Variants in SLC25A21 observed in about 807,000 individuals in gnomAD.
The protein encoded by SLC25A21 is solute carrier family 25 member 21.
Under a neutral mutation model 43.8 loss-of-function variants are expected in SLC25A21, and 47 were observed. The observed-to-expected ratio is 1.07, with a 90% confidence interval of 0.85 to 1.37. The LOEUF is 1.37. Ranked by LOEUF, SLC25A21 falls within the 40% of genes most tolerant of loss-of-function variation. The probability of loss-of-function intolerance (pLI) is 0.00; values close to 1 mark genes in which losing one functional copy is unlikely to be tolerated. For missense variants in SLC25A21, 352 were observed against 350.2 expected, an observed-to-expected ratio of 1.00 and a Z score of -0.04; for synonymous variants, 131 against 121.3, an observed-to-expected ratio of 1.08 and a Z score of -0.52.
chr14:37,069,680 T>A (rs1206480942), intron 1 of SLC25A21, among the ~76,000 whole-genome samples: 4 of 152,134 alleles, frequency 2.6e-5, no homozygotes, highest in Non-Finnish European at 4.4e-5. Flanking sequence ...GTAAAAAAAA[T>A]TACTACAAAA....
chr14:36,694,464 T>C (rs575329126), intron 7 of SLC25A21, among the ~76,000 whole-genome samples: 3 of 152,344 alleles, frequency 2.0e-5, no homozygotes, highest in Admixed American at 6.5e-5. Context: ...TAATTCTAGT[T>C]CTAGATCCTT....
chr14:36,911,016 T>C (rs901784561), intron 1 of SLC25A21, among the ~76,000 whole-genome samples: 3 of 152,188 alleles, frequency 2.0e-5, no homozygotes, highest in Non-Finnish European at 4.4e-5. Context: ...GCCTGTTAGT[T>C]TTCTCACAAG....
chr14:36,876,129 C>G (rs1041638418), intron 1 of SLC25A21, among the ~76,000 whole-genome samples: 1 of 152,182 alleles, frequency 6.6e-6, no homozygotes, highest in Non-Finnish European at 1.5e-5. Context: ...ATAGGCAGAG[C>G]ATTTACCTCC....
At chr14:36,914,462 T>G (rs1438044409) in intron 1 of SLC25A21, among the ~76,000 whole-genome samples, 2 of 152,216 alleles carry the variant, frequency 1.3e-5, no homozygotes, top group Non-Finnish European at 1.5e-5. Context: ...AAAGCAGTGC[T>G]GTTTCAGGAG....
In SLC25A21 at chr14:36,903,458, A is replaced by G. The variant is rs190988665; in HGVS notation, c.71-28454T>C. Among the ~76,000 whole-genome samples the G allele has an allele frequency of 9.1e-3, 1,376 of 151,622 alleles. 17 individuals carry two copies. Among genetic ancestry groups the G allele is most frequent in the African/African-American group, 0.03 (1,241 of 41,320 alleles). ...GAAACCCCGTCTCTACTAAAAATAC[A>G]AAAAATTAGCCAGGCCTGGTGGTGC... is the stretch of plus-strand genomic sequence containing the variant. On this transcript the variant is annotated intron_variant, in intron 1 of 9. Transcript: ENST00000331299.
At chr14:36,831,102 A>T (rs1889023703) in intron 2 of SLC25A21, among the ~76,000 whole-genome samples, 1 of 152,190 alleles carries the variant, frequency 6.6e-6, no homozygotes, top group Admixed American at 6.5e-5. Flanking sequence ...ATAGCACTAG[A>T]GCTTTGAGTA....
intron 1 of SLC25A21, among the ~76,000 whole-genome samples, chr14:37,090,392 C>A (rs1323609289): frequency 6.6e-6 from 1 of 152,188 alleles, no homozygotes; most frequent in Admixed American, 6.5e-5. Flanking sequence ...CACTTCCCAT[C>A]GCCATGTAGT....
chr14:37,131,339 C>T (rs1963388469), intron 1 of SLC25A21, among the ~76,000 whole-genome samples: 1 of 152,158 alleles, frequency 6.6e-6, no homozygotes, highest in Admixed American at 6.6e-5. Context: ...TTCATCTTAT[C>T]GGGTCCGTTT....
chr14:36,851,873 C>T (rs1046727948), intron 2 of SLC25A21, among the ~76,000 whole-genome samples: 1 of 152,060 alleles, frequency 6.6e-6, no homozygotes, highest in African/African-American at 2.4e-5. Flanking sequence ...AGTATATGAA[C>T]ACATTCAAAA....
chr14:36,870,858 G>A (rs1003901430), intron 2 of SLC25A21: 3 of 152,108 alleles, frequency 2.0e-5, no homozygotes, highest in Non-Finnish European at 2.9e-5. Context: ...ACATACCTAT[G>A]GCACACTGAC....
At chr14:36,959,039 G>A (rs149920518) in intron 1 of SLC25A21, among the ~76,000 whole-genome samples, 2 of 152,314 alleles carry the variant, frequency 1.3e-5, no homozygotes, top group African/African-American at 2.4e-5. Context: ...AAACACTGGC[G>A]TGTGCTTCTC....
chr14:36,921,268 T>C (rs1454180109), intron 1 of SLC25A21, among the ~76,000 whole-genome samples: 1 of 152,142 alleles, frequency 6.6e-6, no homozygotes, highest in Non-Finnish European at 1.5e-5. Flanking sequence ...AAGGAGATAA[T>C]ATTAGTACCT....
chr14:37,123,864 T>C (rs1963253047), intron 1 of SLC25A21, among the ~76,000 whole-genome samples: 1 of 152,066 alleles, frequency 6.6e-6, no homozygotes, highest in Non-Finnish European at 1.5e-5. Context: ...TCTCCATAAA[T>C]AAAAATTAAA....
rs1346751706 is a variant in SLC25A21 at position 36,729,482 on chromosome 14, A to C, written c.330+25T>G. On this transcript the variant is annotated intron_variant, in intron 5 of 9. Transcript: ENST00000331299. ...GCTTTATGAAATAACACACACATTT[A>C]AGTATAATAAATACTCTCACTTACC... The C allele has an allele frequency of 5.2e-6, 8 of 1,541,592 alleles. No homozygotes were observed. The Admixed American group carries it at 1.6e-4, about 30-fold the overall frequency.
At chr14:37,031,080 A>C (rs1594760076) in intron 1 of SLC25A21, among the ~76,000 whole-genome samples, 1 of 152,206 alleles carries the variant, frequency 6.6e-6, no homozygotes, top group African/African-American at 2.4e-5. Flanking sequence ...TCTAAAACAG[A>C]GCAATTTCCA....
At chr14:36,817,310 C>T (rs1379865034) in intron 2 of SLC25A21, among the ~76,000 whole-genome samples, 1 of 152,104 alleles carries the variant, frequency 6.6e-6, no homozygotes, top group African/African-American at 2.4e-5. Flanking sequence ...TTACTGCTTT[C>T]TGCAGAAGTT....
chr14:36,974,316 T>C (rs988865587), intron 1 of SLC25A21, among the ~76,000 whole-genome samples: 1 of 152,230 alleles, frequency 6.6e-6, no homozygotes, highest in Non-Finnish European at 1.5e-5. Context: ...TCATGCTTTC[T>C]CTTAAATATC....
At chr14:36,700,970 G>A (rs186640300) in intron 7 of SLC25A21, among the ~76,000 whole-genome samples, 138 of 152,276 alleles carry the variant, frequency 9.1e-4, no homozygotes, top group Non-Finnish European at 1.7e-3. Context: ...GAACAAGGAG[G>A]CAGCTTAAGT....
At chr14:36,897,725 T>C (rs1246713890) in intron 1 of SLC25A21, among the ~76,000 whole-genome samples, 3 of 152,202 alleles carry the variant, frequency 2.0e-5, no homozygotes, top group African/African-American at 7.2e-5. Context: ...GTGGATGTCC[T>C]TTCTGTTTGT....
Sources: allele counts gnomAD v4.1 joint callset (sites outside exome capture counted in the v4.1 genomes callset), GRCh38; gene constraint gnomAD v4.1.1; transcripts MANE v1.5; gene names NCBI Gene and HGNC (gene_info 2026-07-23, HGNC 2026-07-21).